Variants in PRDM8 observed in about 807,000 individuals in gnomAD.
PRDM8 encodes the protein PR/SET domain 8.
Under a neutral mutation model 46.5 loss-of-function variants are expected in PRDM8, and 13 were observed. The observed-to-expected ratio is 0.28, with a 90% confidence interval of 0.18 to 0.44. The LOEUF (loss-of-function observed/expected upper bound fraction) is 0.44. Ranked by LOEUF, PRDM8 falls within the 20% of genes least tolerant of loss-of-function variation. The pLI is 1.00. For synonymous variants in PRDM8, 473 were observed against 438.4 expected, an observed-to-expected ratio of 1.08 and a Z score of -0.98; for missense variants, 998 against 955.0, an observed-to-expected ratio of 1.04 and a Z score of -0.59.
rs760056141 is a variant in PRDM8, at chr4:80,200,073, C to T, written c.-2-6C>T. 5.6e-6 allele frequency: 9 copies of T among 1,607,804 alleles called. No individual in the cohort carries two copies. The South Asian group carries it at 6.6e-5, about 12-fold the overall frequency. On this transcript the variant is annotated splice_region_variant and splice_polypyrimidine_tract_variant and intron_variant, in intron 1 of 3. Transcript: ENST00000415738. ...TCACTTTCTTGTGCTGTGTGTCTATCTCCAGTGATGGAGGATACTGGCATC... is the reference window on the plus strand; with the variant it reads ...TCACTTTCTTGTGCTGTGTGTCTATTTCCAGTGATGGAGGATACTGGCATC...
rs1489611978 is a variant in PRDM8, at chr4:80,203,221, G to C, written c.1759G>C (p.Ala587Pro). 4 of 1,552,956 alleles carry C rather than the reference G, an allele frequency of 2.6e-6. No homozygotes were observed. In the African/African-American group the frequency reaches 4.1e-5, roughly 16 times the overall value. The change falls in exon 4 of 4, where the codon GCT becomes CCT. Residue 587 changes from alanine to proline, a missense_variant. By Grantham distance (27) the Ala-to-Pro change is conservative (BLOSUM62 -1). Coordinates refer to ENST00000415738, the MANE Select transcript of PRDM8 (RefSeq NM_001099403.2). ...YATAFWPKSS[A>P]AAAAAAAAAA... ...CACCGCCTTCTGGCCCAAGAGCTCC[G>C]CTGCCGCTGCAGCCGCGGCTGCGGC... is the stretch of plus-strand genomic sequence containing the variant.
At chr4:80,189,279 C>G (rs1737360538) in intron 1 of PRDM8, among the ~76,000 whole-genome samples, 1 of 152,194 alleles carries the variant, frequency 6.6e-6, no homozygotes, top group Admixed American at 6.5e-5. Flanking sequence ...GCGTTTCTAA[C>G]GTGGCACCGC....
Position 80,202,058 on chromosome 4 carries a change from C to A in PRDM8, c.596C>A (p.Thr199Asn), listed in dbSNP as rs1322783465. 3 of 1,613,390 alleles carry A rather than the reference C, an allele frequency of 1.9e-6. No homozygotes were observed. Among genetic ancestry groups the A allele is most frequent in the African/African-American group, 1.3e-5 (1 of 74,706 alleles). Residue 199 changes from threonine to asparagine, a missense_variant, in exon 4 of 4, where the codon ACC becomes AAC. Thr to Asn is a moderately conservative substitution (Grantham distance 65). Transcript: ENST00000415738. ...PQDEQGGGVG[T>N]KDHGGGGGGG... ...GACGAACAAGGCGGCGGCGTGGGCA[C>A]CAAGGACCACGGGGGCGGCGGCGGC...
At chr4:80,187,034 G>C (rs1264939160) in intron 1 of PRDM8, among the ~76,000 whole-genome samples, 1 of 152,176 alleles carries the variant, frequency 6.6e-6, no homozygotes, top group Non-Finnish European at 1.5e-5. Context: ...AGGAACAAGG[G>C]ATGAGATTTA....
rs1738523106 is a variant in PRDM8 at position 80,202,120 on chromosome 4, C to T, written c.658C>T (p.Pro220Ser). The T allele has an allele frequency of 6.2e-7, 1 of 1,604,850 alleles. No homozygotes were observed. The highest frequency in any genetic ancestry group is 8.5e-7 in the Non-Finnish European group (1 of 1,177,350). The stretch of plus-strand genomic sequence containing the variant: ...CCAGCAGCAGCAGCAGCAGGAGGCA[C>T]CTTTAGGCCCGGGTCCCAAGTTTTG... ...KDQQQQQQEAPLGPGPKFCKA... is the reference protein window; with the variant it reads ...KDQQQQQQEASLGPGPKFCKA... The change falls in exon 4 of 4, where the codon CCT (proline) becomes TCT (serine). Residue 220 changes from proline to serine, a missense_variant. Physicochemically the swap from Pro to Ser is moderately conservative, Grantham distance 74 (BLOSUM62 -1). Coordinates refer to ENST00000415738, the MANE Select transcript of PRDM8 (RefSeq NM_001099403.2).
chr4:80,193,684 A>C (rs954736325), upstream of PRDM8, among the ~76,000 whole-genome samples: 11 of 151,998 alleles, frequency 7.2e-5, no homozygotes, highest in Non-Finnish European at 1.0e-4. Flanking sequence ...TCCTCCCTCA[A>C]CCCTCACAGC....
rs760107518 is a variant in PRDM8 at position 80,202,177 on chromosome 4, C to G, written c.715C>G (p.Pro239Ala). 2 of 1,611,626 alleles carry G rather than the reference C, an allele frequency of 1.2e-6. No homozygotes were observed. Among genetic ancestry groups the G allele is most frequent in the Non-Finnish European group, 1.7e-6 (2 of 1,179,672 alleles). ...CGGCCCCCTCCACCACTACCCATCC[C>G]CCTCCCCGGAAAGCAGCAACCCATC... ...KAGPLHHYPS[P>A]SPESSNPSAA... Residue 239 changes from proline (P) to alanine (A), a missense_variant, in exon 4 of 4, where the codon CCC becomes GCC. Pro to Ala is a conservative substitution (Grantham distance 27). Coordinates refer to ENST00000415738, the MANE Select transcript of PRDM8 (RefSeq NM_001099403.2).
rs774726884 is a variant in PRDM8 at position 80,200,116 on chromosome 4, T to C, written c.36T>C (p.Asp12=). 1.2e-6 allele frequency: 2 copies of C among 1,613,882 alleles called. No individual in the cohort carries two copies. Among genetic ancestry groups the C allele is most frequent in the Non-Finnish European group, 1.7e-6 (2 of 1,179,930 alleles). The change falls in exon 2 of 4, where the codon GAT becomes GAC. Residue 12 remains aspartate, a synonymous_variant. Coordinates refer to ENST00000415738, the MANE Select transcript of PRDM8 (RefSeq NM_001099403.2). ...CTGGCATCCAGCGAGGCATCTGGGA[T>C]GGAGATGCCAAGGCTGTCCAACAAT... ...EDTGIQRGIW[D]GDAKAVQQCL...
Position 80,202,051 on chromosome 4 carries a change from G to A in PRDM8, c.589G>A (p.Val197Met). 14 of 1,613,940 alleles carry A rather than the reference G, an allele frequency of 8.7e-6. No homozygotes were observed. Among genetic ancestry groups the A allele is most frequent in the Non-Finnish European group, 1.1e-5 (13 of 1,179,982 alleles). Reference sequence around the variant, plus strand: ...TCCCCAAGACGAACAAGGCGGCGGCGTGGGCACCAAGGACCACGGGGGCGG... The same window carrying A: ...TCCCCAAGACGAACAAGGCGGCGGCATGGGCACCAAGGACCACGGGGGCGG... ...ISPQDEQGGG[V>M]GTKDHGGGGG... Residue 197 changes from valine to methionine, a missense_variant, in exon 4 of 4, where the codon GTG becomes ATG. Val to Met is a conservative substitution (Grantham distance 21). Coordinates refer to ENST00000415738, the MANE Select transcript of PRDM8 (RefSeq NM_001099403.2).
chr4:80,198,025 G>A (rs543644594), intron 1 of PRDM8, among the ~76,000 whole-genome samples: 11 of 152,316 alleles, frequency 7.2e-5, no homozygotes, highest in African/African-American at 2.4e-4. Flanking sequence ...AGCAGCGACC[G>A]GCTTTCAGAA....
upstream of PRDM8, among the ~76,000 whole-genome samples, chr4:80,195,008 G>GA (rs1737835489): frequency 6.6e-6 from 1 of 152,152 alleles, no homozygotes; most frequent in South Asian, 2.1e-4. Context: ...CCAGGCACAA[G>GA]AAAAATGCCT....
chr4:80,196,745 C>CA (rs113184820), upstream of PRDM8: 24,039 of 738,284 alleles, frequency 0.033, 4 homozygotes, highest in Non-Finnish European at 0.036. Flanking sequence ...CAAAAACAAA[C>CA]AAAAAAAAAA....
At chr4:80,188,975 C>T (rs951496599) in intron 1 of PRDM8, among the ~76,000 whole-genome samples, 2 of 152,208 alleles carry the variant, frequency 1.3e-5, no homozygotes, top group African/African-American at 4.8e-5. Context: ...CTGCTGCCTC[C>T]GGGCATCAGT....
intron 1 of PRDM8, chr4:80,191,350 C>A (rs1371245928): frequency 6.6e-6 from 1 of 152,156 alleles, no homozygotes; most frequent in African/African-American, 2.4e-5. Flanking sequence ...CATGTTTATT[C>A]TTAGGAATGT....
chr4:80,186,253 A>G (rs1392950426), intron 1 of PRDM8, among the ~76,000 whole-genome samples: 2 of 151,118 alleles, frequency 1.3e-5, no homozygotes, highest in African/African-American at 4.9e-5. Context: ...ACTAGCGGGT[A>G]AACAGGTTTA....
At chr4:80,199,323 C>T (rs182169673) in intron 1 of PRDM8, among the ~76,000 whole-genome samples, 18 of 152,052 alleles carry the variant, frequency 1.2e-4, no homozygotes, top group African/African-American at 4.3e-4. Context: ...ACAAGGTAAC[C>T]GGGATTCACT....
chr4:80,192,657 C>CA (rs1320598711), upstream of PRDM8, among the ~76,000 whole-genome samples: 1 of 152,158 alleles, frequency 6.6e-6, no homozygotes, highest in Non-Finnish European at 1.5e-5. Flanking sequence ...ACAGATTTGA[C>CA]AAAAATCCAA....
At position 80,203,442 on chromosome 4, in the gene PRDM8, G is replaced by C. The variant is rs12780; in HGVS notation, c.1980G>C (p.Arg660=). The change falls in exon 4 of 4, where the codon CGG becomes CGC. Residue 660 remains arginine, a synonymous_variant. Coordinates refer to ENST00000415738, the MANE Select transcript of PRDM8 (RefSeq NM_001099403.2). ...KEYAMEPLVK[R]RREEKLKCPI... ...ATGCGATGGAGCCCTTGGTGAAGCG[G>C]CGGCGAGAGGAGAAACTCAAGTGCC... The C allele has an allele frequency of 0.28, 451,564 of 1,612,362 alleles. 67,937 individuals carry two copies. The highest frequency in any genetic ancestry group is 0.62 in the East Asian group (27,677 of 44,786).
chr4:80,189,238 C>T (rs1737357112), intron 1 of PRDM8, among the ~76,000 whole-genome samples: 1 of 152,176 alleles, frequency 6.6e-6, no homozygotes, highest in East Asian at 1.9e-4. Context: ...ACGGAGTCGC[C>T]CGGATCAGCC....
Sources: allele counts gnomAD v4.1 joint callset (sites outside exome capture counted in the v4.1 genomes callset), GRCh38; gene constraint gnomAD v4.1.1; transcripts MANE v1.5; gene names NCBI Gene and HGNC (gene_info 2026-07-23, HGNC 2026-07-21).